CCDC150: variants seen among roughly 807,000 people sequenced by gnomAD.
The protein encoded by CCDC150 is coiled-coil domain-containing protein 150.
CCDC150 carries 151 observed loss-of-function variants against 156.5 expected under a neutral mutation model. The ratio of observed to expected loss-of-function variants is 0.97; its 90% CI spans 0.85 to 1.10. CCDC150 has a LOEUF of 1.10. Ranked by LOEUF, CCDC150 falls within the 50% of genes least tolerant of loss-of-function variation. The probability of loss-of-function intolerance (pLI) is 0.00; values close to 1 mark genes in which losing one functional copy is unlikely to be tolerated. For missense variants in CCDC150, 1,312 were observed against 1,268.1 expected, an observed-to-expected ratio of 1.03 and a Z score of -0.53; for synonymous variants, 452 against 429.4, an observed-to-expected ratio of 1.05 and a Z score of -0.65.
chr2:196,675,453 G>T (rs992568048), intron 10 of CCDC150, among the ~76,000 whole-genome samples: 4 of 152,050 alleles, frequency 2.6e-5, no homozygotes, highest in Admixed American at 6.6e-5. Context: ...ATCAAATATT[G>T]TTAAAATAGA....
chr2:196,668,397 TATTATATTA>T (rs1472008525), intron 7 of CCDC150, among the ~76,000 whole-genome samples: 1 of 151,996 alleles, frequency 6.6e-6, no homozygotes, highest in Non-Finnish European at 1.5e-5. Context: ...AACAGGTATC[TATTATATTA>T]GTTGGCCCTC....
chr2:196,712,689 C>G lies in CCDC150; in HGVS notation c.1816C>G (p.Leu606Val). 6.2e-7 allele frequency: 1 copy of G among 1,610,208 alleles called. No individual in the cohort carries two copies. Among genetic ancestry groups the G allele is most frequent in the Non-Finnish European group, 8.5e-7 (1 of 1,178,098 alleles). Residue 606 changes from leucine to valine, a missense_variant, in exon 17 of 28, where the codon CTC becomes GTC. Coordinates refer to ENST00000389175, the MANE Select transcript of CCDC150 (RefSeq NM_001080539.2). The part of the protein sequence containing the change: ...QTKYAQANSE[L>V]SAKRVHLQQA... ...TTTTGAATTAAAGGCAAACTCAGAACTCAGTGCCAAGAGGGTACACCTGCA... is the reference window on the plus strand; with the variant it reads ...TTTTGAATTAAAGGCAAACTCAGAAGTCAGTGCCAAGAGGGTACACCTGCA...
intron 21 of CCDC150, among the ~76,000 whole-genome samples, chr2:196,725,469 C>T (rs778681706): frequency 7.9e-5 from 12 of 152,116 alleles, no homozygotes; most frequent in Non-Finnish European, 1.3e-4. Flanking sequence ...GAATGCTGAT[C>T]TAATTTAAGG....
At chr2:196,716,846 CTTT>C (rs775962426) in intron 17 of CCDC150, among the ~76,000 whole-genome samples, 14 of 74,358 alleles carry the variant, frequency 1.9e-4, no homozygotes, top group Non-Finnish European at 2.4e-4. Flanking sequence ...AAATAACATT[CTTT>C]TTTTTTTTTT....
chr2:196,690,584 T>C lies in CCDC150; in HGVS notation c.1510-4462T>C, dbSNP rs1396247230. 2.0e-5 allele frequency among the ~76,000 whole-genome samples: 3 copies of C among 152,046 alleles called. No individual in the cohort carries two copies. In the East Asian group the frequency reaches 5.8e-4, roughly 29 times the overall value. On this transcript the variant is annotated intron_variant, in intron 13 of 27. Coordinates refer to ENST00000389175, the MANE Select transcript of CCDC150 (RefSeq NM_001080539.2). Reference sequence around the variant, plus strand: ...TGATAAGAGTTCTGTATGATCTCTCTGGAATAAATCATATCCATAGTGAAT... The same window carrying C: ...TGATAAGAGTTCTGTATGATCTCTCCGGAATAAATCATATCCATAGTGAAT...
chr2:196,706,311 G>C (rs1166001308), intron 15 of CCDC150, among the ~76,000 whole-genome samples: 2 of 151,414 alleles, frequency 1.3e-5, no homozygotes, highest in Non-Finnish European at 1.5e-5. Flanking sequence ...TCATGATTTG[G>C]CTGTTTGTTA....
At chr2:196,640,019 G>A (rs531830326) in intron 1 of CCDC150, among the ~76,000 whole-genome samples, 47 of 152,298 alleles carry the variant, frequency 3.1e-4, no homozygotes, top group Non-Finnish European at 5.1e-4. Flanking sequence ...AGCCACCGAA[G>A]CCTCCAGATA....
intron 16 of CCDC150, 94 bp downstream of exon 16, chr2:196,712,346 G>A: frequency 9.1e-6 from 6 of 656,690 alleles, no homozygotes; most frequent in Non-Finnish European, 1.2e-5. Context: ...CACAATCCCA[G>A]AAAGATAAAT....
chr2:196,705,049 A>G (rs929366595), intron 15 of CCDC150, among the ~76,000 whole-genome samples: 2 of 152,148 alleles, frequency 1.3e-5, no homozygotes, highest in African/African-American at 2.4e-5. Flanking sequence ...ATGATTTATA[A>G]TCCTTTGGGT....
chr2:196,729,972 A>T lies in CCDC150; in HGVS notation c.2836A>T (p.Arg946Ter). ...ATCCTTCCAGTCTTTGAGTATCCAGAGATTTGTGTGTGAAATGACTAACCT... is the reference window on the plus strand; with the variant it reads ...ATCCTTCCAGTCTTTGAGTATCCAGTGATTTGTGTGTGAAATGACTAACCT... ...KNYEQSLSIQRFVCEMTNLQK... is the reference protein window; with the variant it reads ...KNYEQSLSIQ Residue 946 changes from arginine to a stop codon, truncating the protein, a stop_gained, in exon 25 of 28, where the codon AGA (arginine) becomes TGA (stop). Transcript: ENST00000389175. LOFTEE classifies it high-confidence loss of function. 1.2e-6 allele frequency: 2 copies of T among 1,612,742 alleles called. No homozygotes were observed. The highest frequency in any genetic ancestry group is 2.2e-5 in the South Asian group (2 of 90,574).
intron 14 of CCDC150, among the ~76,000 whole-genome samples, chr2:196,698,775 G>C (rs151186691): frequency 1.3e-5 from 2 of 152,212 alleles, no homozygotes; most frequent in East Asian, 3.9e-4. Context: ...GTGCCACGTT[G>C]GTGTGCTGCA....
At chr2:196,680,405 C>T (rs2125624028) in intron 13 of CCDC150, among the ~76,000 whole-genome samples, 1 of 152,218 alleles carries the variant, frequency 6.6e-6, no homozygotes, top group Admixed American at 6.5e-5. Flanking sequence ...TCAGGTGATC[C>T]TCCCACCCAC....
chr2:196,721,440 T>C, intron 20 of CCDC150, 82 bp from the exon 21 acceptor site: 1 of 1,038,730 alleles, frequency 9.6e-7, no homozygotes, highest in Non-Finnish European at 1.3e-6. Flanking sequence ...GATGATAGAA[T>C]GTGAGGAGTG....
chr2:196,725,022 T>C (rs186610694), intron 21 of CCDC150, among the ~76,000 whole-genome samples: 1 of 152,292 alleles, frequency 6.6e-6, no homozygotes, highest in African/African-American at 2.4e-5. Flanking sequence ...CCTGCAAGTC[T>C]CATGTATAGA....
intron 17 of CCDC150, among the ~76,000 whole-genome samples, chr2:196,716,010 A>C (rs1333412522): frequency 6.6e-6 from 1 of 152,218 alleles, no homozygotes; most frequent in Non-Finnish European, 1.5e-5. Flanking sequence ...TTAAGATTTA[A>C]ATACTAAGAA....
intron 13 of CCDC150, among the ~76,000 whole-genome samples, chr2:196,690,608 A>G (rs947085706): frequency 6.6e-6 from 1 of 151,986 alleles, no homozygotes; most frequent in Non-Finnish European, 1.5e-5. Flanking sequence ...TCCATAGTGA[A>G]TATTAAAAAA....
chr2:196,662,651 C>T (rs1693623625), intron 5 of CCDC150, among the ~76,000 whole-genome samples: 1 of 152,058 alleles, frequency 6.6e-6, no homozygotes, highest in Non-Finnish European at 1.5e-5. Context: ...TCTGTGGCCC[C>T]AGGGGTTGGC....
chr2:196,667,979 GATAAGAAA>G (rs1693949998), intron 7 of CCDC150: 1 of 152,132 alleles, frequency 6.6e-6, no homozygotes, highest in South Asian at 2.1e-4. Context: ...CTGTCAGAAA[GATAAGAAA>G]ATACACACAT....
At chr2:196,672,510 T>C in intron 9 of CCDC150, 73 bp downstream of exon 9, 1 of 719,656 alleles carries the variant, frequency 1.4e-6, no homozygotes, top group Non-Finnish European at 2.1e-6. Context: ...AGAAACAAAA[T>C]TAGTCTTGAT....
Sources: gnomAD v4.1 joint callset for allele counts (sites outside exome capture counted in the v4.1 genomes callset) on GRCh38, gnomAD v4.1.1 for gene constraint, MANE v1.5 for transcripts, NCBI Gene and HGNC (gene_info 2026-07-23, HGNC 2026-07-21) for gene names.